The following SHC3 variants were observed in gnomAD, a reference collection of about 807,000 sequenced individuals.
The protein encoded by SHC3 is SHC-transforming protein 3.
Under a neutral mutation model 60.4 loss-of-function variants are expected in SHC3, and 15 were observed. The ratio of observed to expected loss-of-function variants is 0.25; its 90% confidence interval spans 0.17 to 0.38. The LOEUF is 0.38. Among genes scored for constraint, SHC3 ranks in the 10% least tolerant of loss-of-function variants. The pLI is 1.00. For missense variants in SHC3, 677 were observed against 786.1 expected, an observed-to-expected ratio of 0.86 and a Z score of 1.66; for synonymous variants, 294 against 325.9, an observed-to-expected ratio of 0.90 and a Z score of 1.05.
chr9:89,027,245 T>C (rs1486152777), intron 11 of SHC3, among the ~76,000 whole-genome samples: 1 of 152,194 alleles, frequency 6.6e-6, no homozygotes, highest in Non-Finnish European at 1.5e-5. Context: ...ATGCTAAAAT[T>C]TACCTGTGTG....
intron 2 of SHC3, among the ~76,000 whole-genome samples, chr9:89,096,363 A>T (rs1825701227): frequency 1.3e-5 from 2 of 152,236 alleles, no homozygotes; most frequent in Non-Finnish European, 2.9e-5. Flanking sequence ...CTCAGCTCCC[A>T]CTAAACGTAC....
intron 1 of SHC3, among the ~76,000 whole-genome samples, chr9:89,158,529 T>A (rs1195287150): frequency 2.0e-5 from 3 of 152,210 alleles, no homozygotes; most frequent in African/African-American, 4.8e-5. Context: ...GTCCGTTAGA[T>A]CCTGTTGGTT....
chr9:89,085,175 C>T (rs546347024), intron 2 of SHC3, among the ~76,000 whole-genome samples: 1 of 152,228 alleles, frequency 6.6e-6, no homozygotes, highest in Non-Finnish European at 1.5e-5. Flanking sequence ...TGGTGCCTGA[C>T]ACCAGGCTGG....
intron 1 of SHC3, among the ~76,000 whole-genome samples, chr9:89,118,951 T>G (rs1375326429): frequency 6.6e-6 from 1 of 152,172 alleles, no homozygotes; most frequent in East Asian, 1.9e-4. Context: ...GCCTTAATAA[T>G]TATTGATGCG....
At chr9:89,060,936 G>C (rs972786303) in intron 6 of SHC3, among the ~76,000 whole-genome samples, 5 of 152,154 alleles carry the variant, frequency 3.3e-5, no homozygotes, top group Admixed American at 1.3e-4. Context: ...ACCAGCAGGT[G>C]CTCTTCAGGA....
intron 1 of SHC3, among the ~76,000 whole-genome samples, chr9:89,117,214 C>T (rs545176134): frequency 1.3e-5 from 2 of 152,300 alleles, no homozygotes; most frequent in East Asian, 1.9e-4. Context: ...CCAGCACCAA[C>T]GTCGCAGACC....
At position 89,058,450 on chromosome 9, in the gene SHC3, ATGGTGGAGGATGG is replaced by A. The variant is rs531116646; in HGVS notation, c.836-6300_836-6288del. ...TGGTGGAGGATGGTGGTGGAGGATG[ATGGTGGAGGATGG>A]TGGTGGAGGATGATGATGGAGGACA... On this transcript the variant is annotated intron_variant, in intron 6 of 11. Transcript: ENST00000375835. Among the ~76,000 whole-genome samples the A allele has an allele frequency of 7.1e-3, 897 of 126,290 alleles. 5 individuals are homozygous for A. The highest frequency in any genetic ancestry group is 0.011 in the Non-Finnish European group (658 of 58,876). The allele number at this position is 126,290 out of a possible 152,430, so 82.9% of individuals were successfully genotyped here. A position where few individuals can be genotyped will look rare whatever the true frequency, so the allele number is the denominator to read the frequency against.
intron 7 of SHC3, among the ~76,000 whole-genome samples, chr9:89,051,009 G>A (rs573267252): frequency 1.3e-5 from 2 of 151,894 alleles, no homozygotes; most frequent in African/African-American, 4.8e-5. Flanking sequence ...TCCTGCAGAG[G>A]CACCTCCAAA....
intron 1 of SHC3, among the ~76,000 whole-genome samples, chr9:89,133,845 G>A (rs555516172): frequency 6.6e-6 from 1 of 152,170 alleles, no homozygotes; most frequent in East Asian, 1.9e-4. Context: ...CACCAACATG[G>A]CACATGTATA....
At chr9:89,124,169 T>C (rs981315050) in intron 1 of SHC3, among the ~76,000 whole-genome samples, 10 of 152,038 alleles carry the variant, frequency 6.6e-5, no homozygotes, top group African/African-American at 1.9e-4. Context: ...AGAATGGCTT[T>C]CATTAAAAAG....
chr9:89,167,331 C>T (rs1439818905), intron 1 of SHC3, among the ~76,000 whole-genome samples: 1 of 152,206 alleles, frequency 6.6e-6, no homozygotes, highest in African/African-American at 2.4e-5. Flanking sequence ...GCAGCCATCA[C>T]CTTCTTACAA....
chr9:89,052,004 G>A (rs2117925212), intron 7 of SHC3, 33 bp downstream of exon 7: 2 of 1,610,250 alleles, frequency 1.2e-6, no homozygotes, highest in East Asian at 4.5e-5. Context: ...AACCCACATA[G>A]GCTATTGCAA....
At position 89,112,551 on chromosome 9, in the gene SHC3, C is replaced by T; in HGVS notation, c.545+5G>A. ...TCACAGGAGTCCATTTTCAAGAGGG[C>T]TTACCTGGTAATTTGTGTTCTTGTA... is the stretch of plus-strand genomic sequence containing the variant. On this transcript the variant is annotated splice_donor_5th_base_variant and intron_variant, in intron 2 of 11. Coordinates refer to ENST00000375835, the MANE Select transcript of SHC3 (RefSeq NM_016848.6). The T allele has an allele frequency of 6.2e-7, 1 of 1,607,702 alleles. No individual in the cohort carries two copies. The highest frequency in any genetic ancestry group is 1.7e-4 in the Middle Eastern group (1 of 6,056).
chr9:89,129,129 A>C (rs1826205852), intron 1 of SHC3, among the ~76,000 whole-genome samples: 1 of 152,222 alleles, frequency 6.6e-6, no homozygotes, highest in South Asian at 2.1e-4. Flanking sequence ...TCAGTAACTG[A>C]TTTGATTAAG....
rs1195157749 is a variant in SHC3 at position 89,177,975 on chromosome 9, G to C, written c.474+12C>G. On this transcript the variant is annotated intron_variant, in intron 1 of 11. Transcript: ENST00000375835. ...ACCCCCAGCCCCCAGGGCGGCCCGC[G>C]CCCGCACCCACCTTGACCACGTAGG... 2.5e-6 allele frequency: 3 copies of C among 1,217,692 alleles called. No individual in the cohort carries two copies. Among genetic ancestry groups the C allele is most frequent in the Non-Finnish European group, 3.1e-6 (3 of 978,956 alleles). The allele number at this position is 1,217,692 out of a possible 1,614,324, so 75.4% of individuals were successfully genotyped here. A position where few individuals can be genotyped will look rare whatever the true frequency, so the allele number is the denominator to read the frequency against.
chr9:89,107,575 C>T (rs1825881777), intron 2 of SHC3, among the ~76,000 whole-genome samples: 1 of 152,234 alleles, frequency 6.6e-6, no homozygotes, highest in Non-Finnish European at 1.5e-5. Flanking sequence ...CAGCATCAAC[C>T]CCTTCCTGCC....
At chr9:89,051,892 C>G in intron 7 of SHC3, 145 bp downstream of exon 7, 1 of 1,161,488 alleles carries the variant, frequency 8.6e-7, no homozygotes, top group Non-Finnish European at 1.2e-6. Context: ...TGTGCCATAT[C>G]CCAGCACCGA....
intron 1 of SHC3, among the ~76,000 whole-genome samples, chr9:89,143,501 G>C (rs550652617): frequency 3.3e-4 from 51 of 152,262 alleles, no homozygotes; most frequent in African/African-American, 1.2e-3. Context: ...CCATATTCAA[G>C]ATGGAGTTGC....
At chr9:89,084,089 A>G (rs1825489575) in intron 2 of SHC3, among the ~76,000 whole-genome samples, 1 of 152,244 alleles carries the variant, frequency 6.6e-6, no homozygotes, top group East Asian at 1.9e-4. Flanking sequence ...TTAAAAAGTC[A>G]TTTGACCAAG....
Sources: allele counts gnomAD v4.1 joint callset (sites outside exome capture counted in the v4.1 genomes callset), GRCh38; gene constraint gnomAD v4.1.1; transcripts MANE v1.5; gene names NCBI Gene and HGNC (gene_info 2026-07-23, HGNC 2026-07-21).